Variants in NALF1 observed in about 807,000 individuals in gnomAD.
The protein encoded by NALF1 is family with sequence similarity 155 member A.
NALF1 carries 3 observed loss-of-function variants against 48.4 expected under a neutral mutation model. That is an observed-to-expected ratio of 0.06 (90% CI 0.03 to 0.16). The LOEUF is 0.16. Among genes scored for constraint, NALF1 ranks in the 10% least tolerant of loss-of-function variants. The probability of loss-of-function intolerance (pLI) is 1.00; values close to 1 mark genes in which losing one functional copy is unlikely to be tolerated. For synonymous variants in NALF1, 262 were observed against 245.7 expected (o/e 1.07, Z -0.62); for missense variants, 526 against 571.5 (o/e 0.92, Z 0.81).
chr13:107,382,231 G>A (rs781193120), intron 1 of NALF1, among the ~76,000 whole-genome samples: 7 of 152,198 alleles, frequency 4.6e-5, no homozygotes, highest in East Asian at 3.9e-4. Flanking sequence ...TGATATGTAC[G>A]TGATATATAC....
chr13:107,379,249 G>A (rs1168034957), intron 1 of NALF1, among the ~76,000 whole-genome samples: 2 of 152,090 alleles, frequency 1.3e-5, no homozygotes. Flanking sequence ...ATAGTTGTAG[G>A]CTGTTAATTA....
chr13:107,300,442 G>T (rs1881815591), intron 1 of NALF1, among the ~76,000 whole-genome samples: 2 of 152,054 alleles, frequency 1.3e-5, no homozygotes, highest in African/African-American at 4.8e-5. Flanking sequence ...TCACAGTGTT[G>T]CTTTAATTAA....
intron 1 of NALF1, among the ~76,000 whole-genome samples, chr13:107,301,035 C>A (rs1308378220): frequency 6.6e-6 from 1 of 152,156 alleles, no homozygotes. Context: ...AAATACCCAA[C>A]CAATCTTGCA....
chr13:107,577,731 A>C (rs1878193609), intron 1 of NALF1, among the ~76,000 whole-genome samples: 1 of 151,956 alleles, frequency 6.6e-6, no homozygotes, highest in South Asian at 2.1e-4. Flanking sequence ...TGTTGTAAAG[A>C]CCACCCCGTT....
At chr13:107,841,654 TAAG>T (rs1394203333) in intron 1 of NALF1, among the ~76,000 whole-genome samples, 3 of 150,012 alleles carry the variant, frequency 2.0e-5, no homozygotes, top group Admixed American at 6.6e-5. Context: ...AAAAAAAACA[TAAG>T]AAGTTTTCAA....
At chr13:107,619,008 C>T (rs915734094) in intron 1 of NALF1, among the ~76,000 whole-genome samples, 1 of 152,224 alleles carries the variant, frequency 6.6e-6, no homozygotes, top group Non-Finnish European at 1.5e-5. Flanking sequence ...ACAGAACTTA[C>T]TGTGATGATG....
intron 1 of NALF1, among the ~76,000 whole-genome samples, chr13:107,238,445 G>A (rs996324653): frequency 2.0e-5 from 3 of 152,154 alleles, no homozygotes; most frequent in Non-Finnish European, 4.4e-5. Flanking sequence ...ATGCAGCTCT[G>A]CCGGGCCCTC....
chr13:107,384,746 T>C (rs1365978864), intron 1 of NALF1, among the ~76,000 whole-genome samples: 1 of 152,180 alleles, frequency 6.6e-6, no homozygotes, highest in Non-Finnish European at 1.5e-5. Flanking sequence ...AGGTGAACCA[T>C]GGTGGTGAAC....
chr13:107,690,461 G>C (rs117766366), intron 1 of NALF1, among the ~76,000 whole-genome samples: 1 of 152,118 alleles, frequency 6.6e-6, no homozygotes, highest in African/African-American at 2.4e-5. Context: ...TAGATTTTAC[G>C]TTTGTTCAGA....
intron 1 of NALF1, among the ~76,000 whole-genome samples, chr13:107,408,206 G>A (rs143859749): frequency 0.014 from 2,108 of 152,028 alleles, 22 homozygotes; most frequent in South Asian, 0.035. Context: ...ATTTGCTAAC[G>A]TAACAGGGTG....
chr13:107,769,758 T>C (rs921880861), intron 1 of NALF1, among the ~76,000 whole-genome samples: 15 of 151,968 alleles, frequency 9.9e-5, no homozygotes, highest in Non-Finnish European at 1.8e-4. Flanking sequence ...AACCCTTATA[T>C]AATCCACCAG....
intron 1 of NALF1, among the ~76,000 whole-genome samples, chr13:107,814,301 T>C (rs1879098572): frequency 6.6e-6 from 1 of 152,170 alleles, no homozygotes; most frequent in Non-Finnish European, 1.5e-5. Context: ...TCAATCTGTC[T>C]ACACCACCAG....
chr13:107,817,114 A>C (rs1035181496), intron 1 of NALF1, among the ~76,000 whole-genome samples: 1 of 152,226 alleles, frequency 6.6e-6, no homozygotes, highest in Non-Finnish European at 1.5e-5. Flanking sequence ...AACCATATCA[A>C]TAAATGAAGA....
intron 1 of NALF1, among the ~76,000 whole-genome samples, chr13:107,808,669 TAAA>T (rs78364102): frequency 0.017 from 2,550 of 147,570 alleles, 78 homozygotes; most frequent in African/African-American, 0.059. Context: ...TATACAGATT[TAAA>T]AAAAAAAAAA....
intron 1 of NALF1, among the ~76,000 whole-genome samples, chr13:107,480,335 C>T (rs1311559815): frequency 6.6e-6 from 1 of 152,144 alleles, no homozygotes; most frequent in Non-Finnish European, 1.5e-5. Context: ...GGTGGTTAAG[C>T]TTACTCATTA....
intron 1 of NALF1, among the ~76,000 whole-genome samples, chr13:107,315,762 ATC>A (rs1262244206): frequency 1.3e-5 from 2 of 151,692 alleles, no homozygotes; most frequent in Non-Finnish European, 2.9e-5. Context: ...AGTGTTTAGC[ATC>A]TCTCTTTGCT....
At chr13:107,583,177 A>G (rs1878361135) in intron 1 of NALF1, among the ~76,000 whole-genome samples, 1 of 152,114 alleles carries the variant, frequency 6.6e-6, no homozygotes, top group African/African-American at 2.4e-5. Flanking sequence ...GATAAGACAT[A>G]TAGACATATA....
chr13:107,685,927 C>A (rs969407474), intron 1 of NALF1, among the ~76,000 whole-genome samples: 17 of 152,312 alleles, frequency 1.1e-4, no homozygotes, highest in African/African-American at 4.1e-4. Flanking sequence ...TCATACAAGA[C>A]TTACTTTCTA....
chr13:107,638,604 T>G (rs1880057027), intron 1 of NALF1, among the ~76,000 whole-genome samples: 1 of 151,806 alleles, frequency 6.6e-6, no homozygotes, highest in African/African-American at 2.4e-5. Flanking sequence ...TTTCAGAGAG[T>G]GATGCAAGCT....
Sources: gnomAD v4.1 joint callset for allele counts (sites outside exome capture counted in the v4.1 genomes callset) on GRCh38, gnomAD v4.1.1 for gene constraint, MANE v1.5 for transcripts, NCBI Gene and HGNC (gene_info 2026-07-23, HGNC 2026-07-21) for gene names.